ADTRP: variants seen among roughly 807,000 people sequenced by gnomAD.
The protein encoded by ADTRP is androgen-dependent TFPI-regulating protein.
ADTRP carries 20 observed loss-of-function variants against 27.0 expected under a neutral mutation model. The observed-to-expected ratio is 0.74, with a 90% CI of 0.52 to 1.08. ADTRP has a LOEUF of 1.08. Ranked by LOEUF, ADTRP falls within the 50% of genes least tolerant of loss-of-function variation. ADTRP has a pLI of 0.00. For missense variants in ADTRP, 251 were observed against 275.0 expected, an observed-to-expected ratio of 0.91 and a Z score of 0.62; for synonymous variants, 101 against 105.2, an observed-to-expected ratio of 0.96 and a Z score of 0.25.
chr6:11,769,974 C>G (rs1424240963), intron 1 of ADTRP: 1 of 1,524,364 alleles, frequency 6.6e-7, no homozygotes, highest in Non-Finnish European at 8.9e-7. Flanking sequence ...CCTTACGAGC[C>G]AAGTCCTATC....
At chr6:11,777,176 C>G (rs1157772321) in intron 1 of ADTRP, among the ~76,000 whole-genome samples, 6 of 152,142 alleles carry the variant, frequency 3.9e-5, no homozygotes, top group Non-Finnish European at 5.9e-5. Context: ...AGATAAGAGA[C>G]TTTTCTCACT....
chr6:11,770,012 T>C (rs1763715615), intron 1 of ADTRP: 1 of 1,551,496 alleles, frequency 6.4e-7, no homozygotes, highest in South Asian at 1.2e-5. Flanking sequence ...ACCACCATTT[T>C]ACAAACGAGG....
At chr6:11,754,214 G>A (rs1407886844) in intron 3 of ADTRP, among the ~76,000 whole-genome samples, 1 of 152,200 alleles carries the variant, frequency 6.6e-6, no homozygotes, top group Non-Finnish European at 1.5e-5. Context: ...CCTAGAGACA[G>A]AGCTCTTTCT....
intron 5 of ADTRP, among the ~76,000 whole-genome samples, chr6:11,714,744 C>T (rs1671514531): frequency 6.6e-6 from 1 of 152,214 alleles, no homozygotes; most frequent in African/African-American, 2.4e-5. Flanking sequence ...AGCCAGGCAC[C>T]CACGATGCTG....
intron 4 of ADTRP, among the ~76,000 whole-genome samples, chr6:11,728,032 A>G (rs986475244): frequency 4.6e-5 from 7 of 151,898 alleles, no homozygotes; most frequent in Non-Finnish European, 8.8e-5. Flanking sequence ...CATGTCTTCT[A>G]TTTCAGCCAA....
chr6:11,749,145 G>T (rs1762961656), intron 3 of ADTRP, among the ~76,000 whole-genome samples: 1 of 152,202 alleles, frequency 6.6e-6, no homozygotes, highest in South Asian at 2.1e-4. Flanking sequence ...ACCTATTCTG[G>T]AGGTAGAATG....
chr6:11,732,025 GA>G (rs1245643915), intron 4 of ADTRP, among the ~76,000 whole-genome samples: 1 of 152,186 alleles, frequency 6.6e-6, no homozygotes, highest in East Asian at 1.9e-4. Context: ...GGGTAGGAGA[GA>G]AGGGAGAAAT....
chr6:11,722,705 G>C (rs1387040864), intron 5 of ADTRP, among the ~76,000 whole-genome samples: 1 of 151,980 alleles, frequency 6.6e-6, no homozygotes, highest in Non-Finnish European at 1.5e-5. Flanking sequence ...ACTAAGTTAA[G>C]ATGATTTTTT....
At chr6:11,719,108 G>A (rs994191412) in intron 5 of ADTRP, among the ~76,000 whole-genome samples, 4 of 152,182 alleles carry the variant, frequency 2.6e-5, no homozygotes, top group Non-Finnish European at 5.9e-5. Context: ...CAGTCCAGCA[G>A]CCCACTCAGG....
At chr6:11,769,970 G>T (rs764364031) in intron 1 of ADTRP, 21 of 1,514,774 alleles carry the variant, frequency 1.4e-5, no homozygotes, top group East Asian at 2.5e-5. Flanking sequence ...ACAACCTTAC[G>T]AGCCAAGTCC....
chr6:11,776,299 AGAAAGGCTGAG>A (rs1763954698), intron 1 of ADTRP, among the ~76,000 whole-genome samples: 1 of 152,226 alleles, frequency 6.6e-6, no homozygotes, highest in Non-Finnish European at 1.5e-5. Flanking sequence ...TTGAGGATGC[AGAAAGGCTGAG>A]GTCACGTCAA....
chr6:11,764,857 GA>G (rs1461995835), intron 3 of ADTRP, among the ~76,000 whole-genome samples: 1 of 124,570 alleles, frequency 8.0e-6, no homozygotes, highest in African/African-American at 3.1e-5. Context: ...GCCCATACCT[GA>G]AAAACATGCT....
At chr6:11,773,903 G>A (rs1763865262) in intron 1 of ADTRP, among the ~76,000 whole-genome samples, 1 of 152,216 alleles carries the variant, frequency 6.6e-6, no homozygotes, top group Admixed American at 6.5e-5. Context: ...TTTATTTTGG[G>A]TGCTGGTGGT....
At chr6:11,772,855 A>G (rs558102938) in intron 1 of ADTRP, among the ~76,000 whole-genome samples, 2 of 152,362 alleles carry the variant, frequency 1.3e-5, no homozygotes, top group East Asian at 1.9e-4. Context: ...AAAGGATGCA[A>G]TAAAGAACAC....
chr6:11,752,749 C>T (rs1468994320), intron 3 of ADTRP, among the ~76,000 whole-genome samples: 1 of 152,174 alleles, frequency 6.6e-6, no homozygotes, highest in African/African-American at 2.4e-5. Context: ...AATGGATTCT[C>T]TTCCTCCACA....
intron 5 of ADTRP, among the ~76,000 whole-genome samples, chr6:11,722,548 C>T (rs971380342): frequency 3.3e-5 from 5 of 152,130 alleles, no homozygotes; most frequent in East Asian, 3.9e-4. Context: ...AGAGTTCCTG[C>T]GCTTCTCCTG....
In ADTRP at chr6:11,766,349, G is replaced by A; in HGVS notation, c.315C>T (p.Leu105=). The stretch of plus-strand genomic sequence containing the variant: ...AAATGAGATCTCGATTGTAGAGAAA[G>A]AGGATCCAGAATGCCAAAAATACAA... ...STFVFLAFWI[L]FLYNRDLIYP... Residue 105 remains leucine, a synonymous_variant, in exon 3 of 6, where the codon CTC becomes CTT. Coordinates refer to ENST00000414691, the MANE Select transcript of ADTRP (RefSeq NM_032744.4). 6.2e-7 allele frequency: 1 copy of A among 1,612,562 alleles called. No individual in the cohort carries two copies. The highest frequency in any genetic ancestry group is 8.5e-7 in the Non-Finnish European group (1 of 1,179,180).
chr6:11,776,423 T>TA (rs1763957451), intron 1 of ADTRP, among the ~76,000 whole-genome samples: 4 of 152,060 alleles, frequency 2.6e-5, no homozygotes, highest in East Asian at 1.9e-4. Context: ...GGACCTAAGA[T>TA]TAAAAAAAAC....
chr6:11,735,530 C>G, intron 4 of ADTRP, 38 bp downstream of exon 4: 1 of 1,517,860 alleles, frequency 6.6e-7, no homozygotes, highest in Non-Finnish European at 9.1e-7. Flanking sequence ...GGGTCTTGAA[C>G]GACAAGCCTA....
Sources: allele counts gnomAD v4.1 joint callset (sites outside exome capture counted in the v4.1 genomes callset), GRCh38; gene constraint gnomAD v4.1.1; transcripts MANE v1.5; gene names NCBI Gene and HGNC (gene_info 2026-07-23, HGNC 2026-07-21).